Variants in INTS9 observed in about 807,000 individuals in gnomAD.
The protein encoded by INTS9 is integrator complex subunit 9, also known as protein related to CPSF subunits of 74 kDa.
A neutral mutation model predicts 79.7 loss-of-function variants in INTS9; 55 were observed. That is an observed-to-expected ratio of 0.69 (90% confidence interval 0.56 to 0.86). The LOEUF (loss-of-function observed/expected upper bound fraction) is 0.86. Ranked by LOEUF, INTS9 falls within the 40% of genes least tolerant of loss-of-function variation. INTS9 has a pLI of 0.00. For missense variants in INTS9, 721 were observed against 831.5 expected (o/e 0.87, Z 1.64); for synonymous variants, 319 against 325.2 (o/e 0.98, Z 0.20).
chr8:28,874,489 T>C (rs1022991183), intron 1 of INTS9, among the ~76,000 whole-genome samples: 1 of 151,936 alleles, frequency 6.6e-6, no homozygotes, highest in African/African-American at 2.4e-5. Flanking sequence ...GAGATGGGGT[T>C]TCACTGTGTT....
At chr8:28,838,252 T>C (rs1806932543) in intron 4 of INTS9, among the ~76,000 whole-genome samples, 1 of 152,024 alleles carries the variant, frequency 6.6e-6, no homozygotes, top group Non-Finnish European at 1.5e-5. Context: ...TTGCTTTTTT[T>C]TTTCTTTTGA....
intron 5 of INTS9, 112 bp from the exon 6 acceptor site, chr8:28,835,490 C>T: frequency 1.5e-6 from 1 of 650,236 alleles, no homozygotes; most frequent in Non-Finnish European, 2.7e-6. Flanking sequence ...TACACCATTT[C>T]ATCATCATCT....
chr8:28,830,722 T>C (rs1215345172), intron 6 of INTS9, among the ~76,000 whole-genome samples: 4 of 152,098 alleles, frequency 2.6e-5, no homozygotes, highest in Non-Finnish European at 4.4e-5. Context: ...GACACAGCTA[T>C]GGAGTGTCTC....
At chr8:28,821,255 C>T (rs9692981) in intron 6 of INTS9, among the ~76,000 whole-genome samples, 72,655 of 151,914 alleles carry the variant, frequency 0.48, 19,395 homozygotes, top group Non-Finnish European at 0.61. Context: ...ACTTACAGTT[C>T]CACATGGCTG....
Position 28,837,661 on chromosome 8 carries a change from G to A in INTS9, c.377C>T (p.Thr126Met), listed in dbSNP as rs369665593. 21 of 1,613,292 alleles carry A rather than the reference G, an allele frequency of 1.3e-5. No homozygotes were observed. The highest frequency in any genetic ancestry group is 2.2e-5 in the South Asian group (2 of 91,040). ...CCTGCCGATCTGGACGGTGGGTTCCGTGGCATACACTGTGCCTGTGAAGCC... is the reference window on the plus strand; with the variant it reads ...CCTGCCGATCTGGACGGTGGGTTCCATGGCATACACTGTGCCTGTGAAGCC... ...HTGFTGTVYATEPTVQIGRLL... is the reference protein window; with the variant it reads ...HTGFTGTVYAMEPTVQIGRLL... Residue 126 changes from threonine (T) to methionine (M), a missense_variant, in exon 5 of 17, where the codon ACG becomes ATG. By Grantham distance (81) the Thr-to-Met change is moderately conservative. Transcript: ENST00000521022.
intron 1 of INTS9, among the ~76,000 whole-genome samples, chr8:28,863,025 C>T (rs887015399): frequency 2.6e-5 from 4 of 152,332 alleles, no homozygotes; most frequent in African/African-American, 9.6e-5. Flanking sequence ...AATGGATACA[C>T]TGCCTGGTAC....
chr8:28,794,015 A>G, intron 9 of INTS9, 28 bp from the exon 10 acceptor site: 1 of 1,506,298 alleles, frequency 6.6e-7, no homozygotes. Flanking sequence ...AGAGGAGAAA[A>G]AACATCATAT....
intron 1 of INTS9, among the ~76,000 whole-genome samples, chr8:28,870,097 A>G (rs140702606): frequency 8.5e-5 from 13 of 152,278 alleles, no homozygotes; most frequent in Non-Finnish European, 1.3e-4. Context: ...AGCACTTAAT[A>G]CACGTTAAGA....
intron 1 of INTS9, among the ~76,000 whole-genome samples, chr8:28,882,532 TAAA>T (rs369293166): frequency 2.4e-4 from 15 of 63,310 alleles, no homozygotes; most frequent in Admixed American, 3.3e-4. Context: ...TATTAACAGC[TAAA>T]AAAAAAAAAA....
At chr8:28,880,273 CCTCT>C (rs1307381587) in intron 1 of INTS9, among the ~76,000 whole-genome samples, 2 of 119,250 alleles carry the variant, frequency 1.7e-5, no homozygotes, top group East Asian at 2.7e-4. Flanking sequence ...TCTCCCTCTC[CCTCT>C]CTCTCCCTCC....
rs1563283294 is a variant in INTS9, at chr8:28,833,649, CCA to C, written c.488+1641_488+1642del. Among the ~76,000 whole-genome samples the C allele has an allele frequency of 5.0e-3, 718 of 144,068 alleles. 6 individuals are homozygous for C. The highest frequency in any genetic ancestry group is 0.018 in the African/African-American group (684 of 37,898). 94.5% of individuals were successfully genotyped at this position (144,068 alleles called of 152,430 possible). On this transcript the variant is annotated intron_variant, in intron 6 of 16. Coordinates refer to ENST00000521022, the MANE Select transcript of INTS9 (RefSeq NM_018250.4). ...ACAAAAACAAAAACAAAAACAAAAA[CCA>C]AAAAAAAAACAAAAGAAAAAGAAAA...
intron 2 of INTS9, among the ~76,000 whole-genome samples, chr8:28,851,468 C>G (rs745336361): frequency 9.3e-5 from 14 of 150,500 alleles, no homozygotes; most frequent in Non-Finnish European, 1.9e-4. Context: ...GACAGAGTCT[C>G]ACTCTGTCGC....
At chr8:28,807,785 A>C (rs1473217909) in intron 8 of INTS9, among the ~76,000 whole-genome samples, 1 of 152,218 alleles carries the variant, frequency 6.6e-6, no homozygotes, top group Non-Finnish European at 1.5e-5. Context: ...AAACTACAAA[A>C]GCTTTCCTTT....
In INTS9 at chr8:28,780,752, T is replaced by C. The variant is rs530877064; in HGVS notation, c.1270+71A>G. 24 of 1,571,422 alleles carry C rather than the reference T, an allele frequency of 1.5e-5. No homozygotes were observed. In the African/African-American group the frequency reaches 3.2e-4, roughly 21 times the overall value. ...ACTGCAAAATCCTTCCCTGGGTCTC[T>C]ACCTTGTAGGTGCATTCACTCATGG... On this transcript the variant is annotated intron_variant, in intron 12 of 16. Transcript: ENST00000521022.
chr8:28,847,272 G>A (rs1467287716), intron 3 of INTS9, among the ~76,000 whole-genome samples: 1 of 152,194 alleles, frequency 6.6e-6, no homozygotes, highest in Admixed American at 6.5e-5. Context: ...CTGTTATGCT[G>A]TCAGGTTAGG....
At chr8:28,780,785 G>A (rs778892913) in intron 12 of INTS9, 38 bp downstream of exon 12, 1 of 1,607,752 alleles carries the variant, frequency 6.2e-7, no homozygotes, top group Non-Finnish European at 8.5e-7. Flanking sequence ...TGGCCTCAGT[G>A]GAGAGAACCA....
In INTS9 at chr8:28,775,875, A is replaced by T. The variant is rs770415705; in HGVS notation, c.1447T>A (p.Ser483Thr). 6.2e-7 allele frequency: 1 copy of T among 1,610,928 alleles called. No homozygotes were observed. Among genetic ancestry groups the T allele is most frequent in the Non-Finnish European group, 8.5e-7 (1 of 1,178,500 alleles). ...TCGATCATGAGGTCCATCCTGTGGG[A>T]CTGGGCTGGGGGCGGCTGAGTGTAC... ...EQYTQPPPAQSHRMDLMIDCQ... is the reference protein window; with the variant it reads ...EQYTQPPPAQTHRMDLMIDCQ... The change falls in exon 14 of 17, where the codon TCC (serine) becomes ACC (threonine). Residue 483 changes from serine to threonine, a missense_variant. Around this residue, in one of 3 missense-constraint regions of INTS9, gnomAD observed 281 missense variants for 300.8 expected, o/e 0.93. Coordinates refer to ENST00000521022, the MANE Select transcript of INTS9 (RefSeq NM_018250.4).
At chr8:28,811,725 T>G (rs947549600) in intron 8 of INTS9, among the ~76,000 whole-genome samples, 1 of 152,176 alleles carries the variant, frequency 6.6e-6, no homozygotes, top group Non-Finnish European at 1.5e-5. Flanking sequence ...CCAGCCGACA[T>G]GGTTTATCTC....
At chr8:28,786,107 ACT>A (rs1326387090) in intron 11 of INTS9, among the ~76,000 whole-genome samples, 1 of 151,760 alleles carries the variant, frequency 6.6e-6, no homozygotes, top group Non-Finnish European at 1.5e-5. Flanking sequence ...TACCATATCT[ACT>A]CTTTTATATC....
Sources: allele counts gnomAD v4.1 joint callset (sites outside exome capture counted in the v4.1 genomes callset), GRCh38; gene constraint gnomAD v4.1.1; regional missense constraint gnomAD v4.1.1; transcripts MANE v1.5; gene names NCBI Gene and HGNC (gene_info 2026-07-23, HGNC 2026-07-21).